ELMO1: variants seen among roughly 807,000 people sequenced by gnomAD.
ELMO1 encodes the protein engulfment and cell motility 1.
ELMO1 carries 26 observed loss-of-function variants against 98.9 expected under a neutral mutation model. The observed-to-expected ratio is 0.26, with a 90% confidence interval of 0.19 to 0.36. The LOEUF (loss-of-function observed/expected upper bound fraction) is 0.36. Ranked by LOEUF, ELMO1 falls within the 10% of genes least tolerant of loss-of-function variation. The pLI is 1.00. For synonymous variants in ELMO1, 346 were observed against 346.0 expected, an observed-to-expected ratio of 1.00 and a Z score of 0.00; for missense variants, 627 against 935.2, an observed-to-expected ratio of 0.67 and a Z score of 4.30.
intron 16 of ELMO1, among the ~76,000 whole-genome samples, chr7:36,908,895 C>A (rs118077517): frequency 1.1e-4 from 16 of 152,174 alleles, no homozygotes; most frequent in African/African-American, 1.7e-4. Context: ...GTTTACTAAG[C>A]ATGGGCACAG....
chr7:37,446,922 G>A (rs894063322), intron 1 of ELMO1, among the ~76,000 whole-genome samples: 2 of 152,192 alleles, frequency 1.3e-5, no homozygotes, highest in South Asian at 4.1e-4. Flanking sequence ...AAAGAGTAAA[G>A]CTTCAAAAGG....
chr7:37,411,960 C>A (rs946775959), intron 1 of ELMO1, among the ~76,000 whole-genome samples: 15 of 152,128 alleles, frequency 9.9e-5, no homozygotes, highest in African/African-American at 3.4e-4. Flanking sequence ...ATATGCTCCA[C>A]AGAGGAGAAA....
At chr7:37,130,060 C>T (rs1156830025) in intron 14 of ELMO1, among the ~76,000 whole-genome samples, 1 of 152,180 alleles carries the variant, frequency 6.6e-6, no homozygotes, top group South Asian at 2.1e-4. Context: ...AGTTCTGAGC[C>T]TAGATGTCAC....
chr7:36,920,267 A>G (rs973619159), intron 16 of ELMO1, among the ~76,000 whole-genome samples: 7 of 152,242 alleles, frequency 4.6e-5, no homozygotes, highest in African/African-American at 1.7e-4. Context: ...GTTGCTTCTC[A>G]TCTCTGAATG....
chr7:37,159,096 T>C (rs139744396), intron 13 of ELMO1, among the ~76,000 whole-genome samples: 3 of 151,678 alleles, frequency 2.0e-5, no homozygotes, highest in African/African-American at 7.3e-5. Context: ...TAAGTGGGAG[T>C]TGAACAATGA....
chr7:36,935,780 A>C (rs1419783773), intron 16 of ELMO1, among the ~76,000 whole-genome samples: 6 of 152,214 alleles, frequency 3.9e-5, no homozygotes, highest in Non-Finnish European at 8.8e-5. Flanking sequence ...AGCCTAGGAA[A>C]ATGGCTGGCC....
At chr7:37,317,565 A>C (rs1799252574) in intron 2 of ELMO1, among the ~76,000 whole-genome samples, 2 of 152,228 alleles carry the variant, frequency 1.3e-5, no homozygotes, top group Non-Finnish European at 2.9e-5. Flanking sequence ...GAAATAAGCC[A>C]GGCACAGAAA....
At chr7:37,406,516 G>A (rs55803842) in intron 1 of ELMO1, among the ~76,000 whole-genome samples, 23,949 of 151,798 alleles carry the variant, frequency 0.16, 2,202 homozygotes, top group South Asian at 0.25. Context: ...TGCAAGCTCC[G>A]CCTCCCGGGT....
chr7:37,427,377 A>G (rs1804753374), intron 1 of ELMO1, among the ~76,000 whole-genome samples: 1 of 152,150 alleles, frequency 6.6e-6, no homozygotes. Flanking sequence ...TTGCTTTAGA[A>G]CTCTTGCAGC....
At chr7:37,180,787 T>C (rs1375513849) in intron 13 of ELMO1, among the ~76,000 whole-genome samples, 1 of 145,622 alleles carries the variant, frequency 6.9e-6, no homozygotes, top group Non-Finnish European at 1.5e-5. Context: ...CACACACACA[T>C]ATGCACATAT....
At chr7:37,245,449 A>G (rs1794954405) in intron 6 of ELMO1, among the ~76,000 whole-genome samples, 1 of 152,218 alleles carries the variant, frequency 6.6e-6, no homozygotes, top group Non-Finnish European at 1.5e-5. Context: ...TCAGAAATCC[A>G]AATCACCAGG....
At chr7:37,440,869 C>G (rs972773082) in intron 1 of ELMO1, among the ~76,000 whole-genome samples, 2 of 151,990 alleles carry the variant, frequency 1.3e-5, no homozygotes, top group Non-Finnish European at 2.9e-5. Flanking sequence ...TTGGAATTCA[C>G]TCCTCACTTG....
chr7:37,232,575 A>T (rs1794235239), intron 8 of ELMO1, among the ~76,000 whole-genome samples: 1 of 152,214 alleles, frequency 6.6e-6, no homozygotes. Context: ...GAACTGGTAG[A>T]ACTGGGTGAT....
At chr7:36,898,010 C>A (rs4723591) in intron 16 of ELMO1, among the ~76,000 whole-genome samples, 1 of 152,174 alleles carries the variant, frequency 6.6e-6, no homozygotes, top group African/African-American at 2.4e-5. Flanking sequence ...AGTTTTGTTG[C>A]CAACAGCCCT....
At chr7:37,316,725 C>T (rs888784875) in intron 2 of ELMO1, among the ~76,000 whole-genome samples, 3 of 152,138 alleles carry the variant, frequency 2.0e-5, no homozygotes, top group African/African-American at 7.2e-5. Context: ...TGGGGAGTAT[C>T]ATGTCAACCC....
intron 15 of ELMO1, among the ~76,000 whole-genome samples, chr7:37,075,667 C>T (rs1797536558): frequency 1.3e-5 from 2 of 152,042 alleles, no homozygotes; most frequent in Admixed American, 6.6e-5. Flanking sequence ...AAATGTCACT[C>T]ATTCTTATTT....
At chr7:37,418,917 G>C (rs150791576) in intron 1 of ELMO1, among the ~76,000 whole-genome samples, 55 of 152,198 alleles carry the variant, frequency 3.6e-4, no homozygotes, top group Middle Eastern at 3.4e-3. Context: ...TCGGGTACTC[G>C]CAACAAGACT....
At chr7:37,048,625 A>G (rs1387350664) in intron 15 of ELMO1, among the ~76,000 whole-genome samples, 1 of 152,250 alleles carries the variant, frequency 6.6e-6, no homozygotes, top group Non-Finnish European at 1.5e-5. Flanking sequence ...AATAAACCAA[A>G]CAAGTAAACA....
At chr7:37,195,995 G>T (rs1228826404) in intron 13 of ELMO1, among the ~76,000 whole-genome samples, 1 of 152,186 alleles carries the variant, frequency 6.6e-6, no homozygotes, top group African/African-American at 2.4e-5. Flanking sequence ...AAAAGTGAAG[G>T]CCGATTTCTG....
Sources: gnomAD v4.1 joint callset for allele counts (sites outside exome capture counted in the v4.1 genomes callset) on GRCh38, gnomAD v4.1.1 for gene constraint, MANE v1.5 for transcripts, NCBI Gene and HGNC (gene_info 2026-07-23, HGNC 2026-07-21) for gene names.